Variants in RPS6KL1 observed in about 807,000 individuals in gnomAD.
RPS6KL1 encodes the protein ribosomal protein S6 kinase like 1.
RPS6KL1 carries 41 observed loss-of-function variants against 57.0 expected under a neutral mutation model. The observed-to-expected ratio is 0.72, with a 90% CI of 0.56 to 0.93. The LOEUF (loss-of-function observed/expected upper bound fraction) is 0.93, where lower values mean the gene tolerates loss of function less well. RPS6KL1 is among the 40% of genes least tolerant of loss of function. RPS6KL1 has a pLI of 0.00. For synonymous variants in RPS6KL1, 287 were observed against 309.7 expected (o/e 0.93, Z 0.77); for missense variants, 697 against 727.7 (o/e 0.96, Z 0.49).
intron 3 of RPS6KL1, 39 bp downstream of exon 3, chr14:74,921,238 T>C (rs761836054): frequency 6.0e-6 from 5 of 840,184 alleles, no homozygotes; most frequent in Non-Finnish European, 1.0e-5. Flanking sequence ...CACTGGCCCT[T>C]CCCCACCCAC....
rs1347273750 is a variant in RPS6KL1, at chr14:74,919,834, G to C, written c.390+11C>G. On this transcript the variant is annotated intron_variant, in intron 4 of 11. Coordinates refer to ENST00000557413, the MANE Select transcript of RPS6KL1 (RefSeq NM_031464.5). ...CCCGCTCAGGCCTTTGGGTGGGGGG[G>C]GTCTCCTCACCGCGCTGGGGCTGGC... 1 of 1,610,940 alleles carries C rather than the reference G, an allele frequency of 6.2e-7. No individual in the cohort carries two copies. Among genetic ancestry groups the C allele is most frequent in the Non-Finnish European group, 8.5e-7 (1 of 1,179,450 alleles).
rs567210937 is a variant in RPS6KL1, at chr14:74,919,886, G to A, written c.349C>T (p.His117Tyr). 3 of 1,613,952 alleles carry A rather than the reference G, an allele frequency of 1.9e-6. No individual in the cohort carries two copies. Among genetic ancestry groups the A allele is most frequent in the Admixed American group, 1.7e-5 (1 of 60,024 alleles). Residue 117 changes from histidine (H) to tyrosine (Y), a missense_variant, in exon 4 of 12, where the codon CAC (histidine) becomes TAC (tyrosine). His to Tyr is a moderately conservative substitution (Grantham distance 83, BLOSUM62 2). Coordinates refer to ENST00000557413, the MANE Select transcript of RPS6KL1 (RefSeq NM_031464.5). ...LRRAEEIFNCHLQRPLSSGAS... is the reference protein window; with the variant it reads ...LRRAEEIFNCYLQRPLSSGAS... ...CCACTGCTCAGCGGCCGCTGCAGGT[G>A]GCAGTTGAAGATCTCCTCTGCCCGC...
Position 74,907,450 on chromosome 14 carries a change from G to C in RPS6KL1, c.1524C>G (p.Ala508=), listed in dbSNP as rs751823742. The stretch of plus-strand genomic sequence containing the variant: ...TACACCTCACCTCAGTCAGCAGAGA[G>C]GCCGCTGGGCGACTGAGCCACTCGG... The part of the protein sequence containing the change: ...QLPEWLSRPA[A]SLLTELLQFE... Residue 508 remains alanine, a synonymous_variant, in exon 11 of 12, where the codon GCC becomes GCG. Transcript: ENST00000557413. 3 of 1,582,092 alleles carry C rather than the reference G, an allele frequency of 1.9e-6. No homozygotes were observed. The highest frequency in any genetic ancestry group is 3.6e-5 in the Admixed American group (2 of 55,394).
In RPS6KL1 at chr14:74,909,671, G is replaced by T; in HGVS notation, c.1142C>A (p.Thr381Asn). Residue 381 changes from threonine (T) to asparagine (N), a missense_variant, in exon 8 of 12, where the codon ACC becomes AAC. Transcript: ENST00000557413. ...CACCTGCTCCTCTCTCACACTCCAG[G>T]TGGCCCTGCCACAGCCCCGGCCGGC... ...DGAGRGCGRA[T>N]WSVREEQVKQ... 2 of 1,610,206 alleles carry T rather than the reference G, an allele frequency of 1.2e-6. No individual in the cohort carries two copies. The highest frequency in any genetic ancestry group is 1.7e-6 in the Non-Finnish European group (2 of 1,179,914).
chr14:74,913,162 C>A (rs772936303), intron 5 of RPS6KL1, among the ~76,000 whole-genome samples: 49 of 152,220 alleles, frequency 3.2e-4, no homozygotes, highest in Non-Finnish European at 1.2e-4. Context: ...GGGCACTGGG[C>A]TTCGATCCTG....
intron 6 of RPS6KL1, 34 bp downstream of exon 6, chr14:74,911,760 G>A (rs1397309136): frequency 6.5e-7 from 1 of 1,548,512 alleles, no homozygotes; most frequent in Non-Finnish European, 8.8e-7. Context: ...GATCCAAGGG[G>A]AATGCAGAGT....
chr14:74,921,694 G>C, intron 2 of RPS6KL1, 133 bp from the exon 3 acceptor site: 1 of 1,442,258 alleles, frequency 6.9e-7, no homozygotes, highest in Non-Finnish European at 9.1e-7. Context: ...GCTAAAGTGG[G>C]TAAGGTCTTT....
At position 74,906,403 on chromosome 14, in the gene RPS6KL1, C is replaced by A; in HGVS notation, c.*611G>T. ...CAAGATAGGGGGCATGGTCAGGAAT[C>A]GGGGGTGGGGGGGTGGGGGTGGGGG... On this transcript the variant is annotated 3_prime_UTR_variant, in exon 12 of 12. Transcript: ENST00000557413. 4.8e-6 allele frequency: 1 copy of A among 210,250 alleles called. No individual in the cohort carries two copies. Among genetic ancestry groups the A allele is most frequent in the Admixed American group, 6.8e-5 (1 of 14,764 alleles). 13.0% of individuals were successfully genotyped at this position (210,250 alleles called of 1,614,324 possible). A position where few individuals can be genotyped will look rare whatever the true frequency, so the allele number is the denominator to read the frequency against.
intron 5 of RPS6KL1, among the ~76,000 whole-genome samples, chr14:74,912,803 T>C (rs1886244380): frequency 6.6e-6 from 1 of 152,220 alleles, no homozygotes; most frequent in Non-Finnish European, 1.5e-5. Context: ...GAGAGCAGCC[T>C]CTCCTTCTTG....
intron 7 of RPS6KL1, 136 bp from the exon 8 acceptor site, chr14:74,910,284 G>T: frequency 3.0e-6 from 3 of 998,982 alleles, no homozygotes; most frequent in Non-Finnish European, 4.2e-6. Flanking sequence ...GCCTAGTTCA[G>T]CCCCTCACCT....
At chr14:74,919,824 G>C in intron 4 of RPS6KL1, 21 bp downstream of exon 4, 1 of 1,582,606 alleles carries the variant, frequency 6.3e-7, no homozygotes, top group South Asian at 1.1e-5. Context: ...TCAGGCCTTT[G>C]GGTGGGGGGG....
chr14:74,909,762 C>T lies in RPS6KL1; in HGVS notation c.1051G>A (p.Gly351Arg). The T allele has an allele frequency of 1.2e-6, 2 of 1,607,030 alleles. No homozygotes were observed. Among genetic ancestry groups the T allele is most frequent in the Non-Finnish European group, 8.5e-7 (1 of 1,178,036 alleles). The change falls in exon 8 of 12, where the codon GGG becomes AGG. Residue 351 changes from glycine to arginine, a missense_variant. Gly to Arg is a moderately radical substitution (Grantham distance 125). Coordinates refer to ENST00000557413, the MANE Select transcript of RPS6KL1 (RefSeq NM_031464.5). ...PPRGLTWVPE[G>R]AGPVLGGCGR... ...CAGCCCCCTAGCACCGGGCCGGCCC[C>T]CTCAGGAACCCAAGTGAGCCCCCGA...
chr14:74,914,437 A>G (rs1245009301), intron 5 of RPS6KL1, among the ~76,000 whole-genome samples: 2 of 152,250 alleles, frequency 1.3e-5, no homozygotes, highest in Admixed American at 6.5e-5. Context: ...AGGAGGCCAG[A>G]AATAAACCTT....
intron 4 of RPS6KL1, 36 bp downstream of exon 4, chr14:74,919,809 C>T (rs762545495): frequency 5.0e-6 from 8 of 1,602,720 alleles, no homozygotes; most frequent in Non-Finnish European, 6.8e-6. Flanking sequence ...GAGCCCTCCT[C>T]CCGCTCAGGC....
In RPS6KL1 at chr14:74,906,335, T is replaced by A; in HGVS notation, c.*679A>T. On this transcript the variant is annotated 3_prime_UTR_variant, in exon 12 of 12. Coordinates refer to ENST00000557413, the MANE Select transcript of RPS6KL1 (RefSeq NM_031464.5). ...GCATTCCTTCCTCCCCCCATTACTC[T>A]TATTTTCTTCCCCTCCCTTTTGCTC... The A allele has an allele frequency of 2.9e-6, 1 of 347,552 alleles. No individual in the cohort carries two copies. The highest frequency in any genetic ancestry group is 2.1e-5 in the South Asian group (1 of 47,684). 21.5% of individuals were successfully genotyped at this position (347,552 alleles called of 1,614,324 possible).
chr14:74,915,418 G>A (rs1194979779), intron 5 of RPS6KL1, among the ~76,000 whole-genome samples: 1 of 152,188 alleles, frequency 6.6e-6, no homozygotes, highest in African/African-American at 2.4e-5. Flanking sequence ...AAGAGCAATT[G>A]TTTTAAATAA....
rs920372024 is a variant in RPS6KL1, at chr14:74,906,454, C to A, written c.*560G>T. The A allele has an allele frequency of 2.8e-5, 12 of 424,052 alleles. No individual in the cohort carries two copies. Among genetic ancestry groups the A allele is most frequent in the Non-Finnish European group, 5.9e-5 (12 of 201,898 alleles). 26.3% of individuals were successfully genotyped at this position (424,052 alleles called of 1,614,324 possible). A position where few individuals can be genotyped will look rare whatever the true frequency, so the allele number is the denominator to read the frequency against. On this transcript the variant is annotated 3_prime_UTR_variant, in exon 12 of 12. Coordinates refer to ENST00000557413, the MANE Select transcript of RPS6KL1 (RefSeq NM_031464.5). ...TCATCCTGTCCCCTACCTCATCCCT[C>A]CCTGCACAACAGATGGCATCCCTGC...
chr14:74,909,013 C>G, intron 9 of RPS6KL1, 81 bp from the exon 10 acceptor site: 1 of 1,571,864 alleles, frequency 6.4e-7, no homozygotes, highest in Non-Finnish European at 8.8e-7. Context: ...AGACACCACC[C>G]ACCCGCTCTG....
Position 74,906,534 on chromosome 14 carries a change from G to C in RPS6KL1, c.*480C>G, listed in dbSNP as rs1319880646. On this transcript the variant is annotated 3_prime_UTR_variant, in exon 12 of 12. Coordinates refer to ENST00000557413, the MANE Select transcript of RPS6KL1 (RefSeq NM_031464.5). ...TTCTGGTGGAAGAGGCCTACTCGCT[G>C]TGTGACTAAGAGGACTAGCCAGGAC... 3.9e-6 allele frequency: 2 copies of C among 519,118 alleles called. No homozygotes were observed. Among genetic ancestry groups the C allele is most frequent in the Non-Finnish European group, 4.0e-6 (1 of 252,698 alleles). The allele number at this position is 519,118 out of a possible 1,614,324, so 32.2% of individuals were successfully genotyped here. A position where few individuals can be genotyped will look rare whatever the true frequency, so the allele number is the denominator to read the frequency against.
Sources: allele counts gnomAD v4.1 joint callset (sites outside exome capture counted in the v4.1 genomes callset), GRCh38; gene constraint gnomAD v4.1.1; transcripts MANE v1.5; gene names NCBI Gene and HGNC (gene_info 2026-07-23, HGNC 2026-07-21).